Variants in PDE7B observed in about 807,000 individuals in gnomAD.
PDE7B encodes the protein 3',5'-cyclic-AMP phosphodiesterase 7B.
A neutral mutation model predicts 56.2 loss-of-function variants in PDE7B; 29 were observed. The ratio of observed to expected loss-of-function variants is 0.52; its 90% CI spans 0.38 to 0.70. PDE7B has a LOEUF of 0.70. PDE7B is among the 30% of genes least tolerant of loss of function. PDE7B has a pLI of 0.00. For synonymous variants in PDE7B, 197 were observed against 196.9 expected (o/e 1.00, Z 0.00); for missense variants, 490 against 565.0 (o/e 0.87, Z 1.35).
At chr6:135,885,937 TA>T (rs1159737999) in intron 1 of PDE7B, among the ~76,000 whole-genome samples, 1 of 152,172 alleles carries the variant, frequency 6.6e-6, no homozygotes, top group Non-Finnish European at 1.5e-5. Flanking sequence ...TGATCATGTG[TA>T]AAAACTTAGT....
At chr6:136,004,592 T>G (rs918141805) in intron 2 of PDE7B, among the ~76,000 whole-genome samples, 23 of 151,360 alleles carry the variant, frequency 1.5e-4, no homozygotes, top group African/African-American at 4.6e-4. Context: ...ATGAGTGAAC[T>G]CCCATTCACA....
At chr6:136,083,424 C>T (rs1250176823) in intron 2 of PDE7B, among the ~76,000 whole-genome samples, 6 of 152,106 alleles carry the variant, frequency 3.9e-5, no homozygotes, top group Non-Finnish European at 8.8e-5. Flanking sequence ...AAAAAAATGG[C>T]TTTTCTACTC....
intron 1 of PDE7B, among the ~76,000 whole-genome samples, chr6:135,911,938 A>G (rs894919970): frequency 1.3e-5 from 2 of 152,248 alleles, no homozygotes; most frequent in Non-Finnish European, 2.9e-5. Flanking sequence ...ATTTATATTG[A>G]ATGGCAGGAC....
intron 9 of PDE7B, among the ~76,000 whole-genome samples, chr6:136,176,043 C>A (rs1778971506): frequency 1.3e-5 from 2 of 152,028 alleles, no homozygotes; most frequent in Admixed American, 1.3e-4. Context: ...CCTTTACTTA[C>A]AACCAAGATT....
intron 2 of PDE7B, among the ~76,000 whole-genome samples, chr6:135,950,981 G>A (rs1486859513): frequency 1.3e-5 from 2 of 152,142 alleles, no homozygotes; most frequent in Non-Finnish European, 2.9e-5. Context: ...GAGTCTTGCA[G>A]GGAATTATTT....
chr6:135,904,762 G>A (rs1411514315), intron 1 of PDE7B, among the ~76,000 whole-genome samples: 1 of 152,206 alleles, frequency 6.6e-6, no homozygotes, highest in African/African-American at 2.4e-5. Flanking sequence ...GGTCTCTGAA[G>A]AGATCTGTGT....
At chr6:136,046,646 T>G (rs1338443146) in intron 2 of PDE7B, among the ~76,000 whole-genome samples, 2 of 152,180 alleles carry the variant, frequency 1.3e-5, no homozygotes, top group Non-Finnish European at 2.9e-5. Flanking sequence ...CCCCAGGGTA[T>G]CAGGAGTAGA....
At chr6:136,191,593 G>C (rs1283513412) in intron 12 of PDE7B, 21 bp from the exon 13 acceptor site, 4 of 1,602,576 alleles carry the variant, frequency 2.5e-6, no homozygotes, top group Non-Finnish European at 3.4e-6. Context: ...GTGATGCTGA[G>C]CCTTGACTTG....
At chr6:135,991,202 T>C (rs1488382230) in intron 2 of PDE7B, among the ~76,000 whole-genome samples, 3 of 152,258 alleles carry the variant, frequency 2.0e-5, no homozygotes, top group Non-Finnish European at 4.4e-5. Context: ...CTGTATCTCG[T>C]GCCAACATCC....
chr6:136,031,303 T>A (rs1416956850), intron 2 of PDE7B, among the ~76,000 whole-genome samples: 1 of 152,206 alleles, frequency 6.6e-6, no homozygotes, highest in Non-Finnish European at 1.5e-5. Context: ...GAGTCTCAGG[T>A]CCCGGCCAGA....
chr6:136,084,089 C>T (rs1442706334), intron 2 of PDE7B, among the ~76,000 whole-genome samples: 1 of 152,166 alleles, frequency 6.6e-6, no homozygotes, highest in East Asian at 1.9e-4. Flanking sequence ...TAACTACCAA[C>T]TGGGACATTG....
At chr6:136,141,411 A>G (rs1778323743) in intron 3 of PDE7B, among the ~76,000 whole-genome samples, 1 of 152,166 alleles carries the variant, frequency 6.6e-6, no homozygotes, top group Non-Finnish European at 1.5e-5. Context: ...CATCAGGAAT[A>G]TTGGTCTAAA....
intron 2 of PDE7B, among the ~76,000 whole-genome samples, chr6:136,089,612 G>A (rs1391587649): frequency 6.6e-6 from 1 of 152,140 alleles, no homozygotes; most frequent in Non-Finnish European, 1.5e-5. Flanking sequence ...TATTGACACT[G>A]TTGTAGATTT....
At chr6:135,934,757 T>A (rs1774362225) in intron 1 of PDE7B, among the ~76,000 whole-genome samples, 1 of 118,148 alleles carries the variant, frequency 8.5e-6, no homozygotes, top group African/African-American at 3.3e-5. Context: ...TATATATATT[T>A]TTTAAATATA....
In PDE7B at chr6:135,852,002, TC is replaced by T. The variant is rs749790493; in HGVS notation, c.5del (p.Ser2PhefsTer3). 1.9e-6 allele frequency: 3 copies of T among 1,609,638 alleles called. No individual in the cohort carries two copies. In the East Asian group the frequency reaches 6.7e-5, roughly 36 times the overall value. M[S>X]CLMVERCGEI... is the part of the protein sequence containing the mutation. ...ACAGAACTGCCACTATGGTTAAATG[TC>T]TTGTTTAATGGTTGAGGTATGTACA... On this transcript the variant is annotated frameshift_variant, in exon 1 of 13. Coordinates refer to ENST00000308191, the MANE Select transcript of PDE7B (RefSeq NM_018945.4). LOFTEE classifies it high-confidence loss of function.
At chr6:135,884,891 G>T (rs1322696683) in intron 1 of PDE7B, among the ~76,000 whole-genome samples, 1 of 152,094 alleles carries the variant, frequency 6.6e-6, no homozygotes, top group Non-Finnish European at 1.5e-5. Flanking sequence ...GGACTATAGT[G>T]ACCAGTTAAC....
chr6:135,979,656 A>T (rs1775258731), intron 2 of PDE7B, among the ~76,000 whole-genome samples: 1 of 152,176 alleles, frequency 6.6e-6, no homozygotes, highest in Non-Finnish European at 1.5e-5. Flanking sequence ...AACAACAGAC[A>T]AACAGAGAGC....
intron 3 of PDE7B, among the ~76,000 whole-genome samples, chr6:136,136,913 A>T (rs1778221946): frequency 6.6e-6 from 1 of 152,138 alleles, no homozygotes; most frequent in African/African-American, 2.4e-5. Context: ...AAGAGCATTT[A>T]ACAGTGATAT....
chr6:135,883,021 C>T (rs1375521936), intron 1 of PDE7B, among the ~76,000 whole-genome samples: 1 of 152,154 alleles, frequency 6.6e-6, no homozygotes, highest in African/African-American at 2.4e-5. Context: ...ACTACATATC[C>T]TCAATTACTC....
Sources: gnomAD v4.1 joint callset for allele counts (sites outside exome capture counted in the v4.1 genomes callset) on GRCh38, gnomAD v4.1.1 for gene constraint, MANE v1.5 for transcripts, NCBI Gene and HGNC (gene_info 2026-07-23, HGNC 2026-07-21) for gene names.